The following ADSL variants were observed in gnomAD, a reference collection of about 807,000 sequenced individuals.
ADSL encodes the protein adenylosuccinate lyase.
In ADSL, 44 loss-of-function variants were observed where a neutral mutation model predicts 62.1. The ratio of observed to expected loss-of-function variants is 0.71; its 90% CI spans 0.56 to 0.91. The LOEUF is 0.91. Among genes scored for constraint, ADSL ranks in the 40% least tolerant of loss-of-function variants. The pLI is 0.00. For missense variants in ADSL, 531 were observed against 627.4 expected (o/e 0.85, Z 1.64); for synonymous variants, 198 against 220.5 (o/e 0.90, Z 0.90).
chr22:40,382,795 TA>T (rs1197911349), intron 2 of ADSL, among the ~76,000 whole-genome samples: 4 of 152,200 alleles, frequency 2.6e-5, no homozygotes, highest in Non-Finnish European at 5.9e-5. Flanking sequence ...AAGCATGTGA[TA>T]GGGGTTTTAA....
At chr22:40,358,785 G>T (rs1390142622) in intron 4 of ADSL, 79 bp from the exon 5 acceptor site, 1 of 1,392,118 alleles carries the variant, frequency 7.2e-7, no homozygotes, top group Non-Finnish European at 1.0e-6. Flanking sequence ...GGTAATGGTG[G>T]TTATTAAAAG....
At chr22:40,386,932 C>T (rs1234867542) in intron 2 of ADSL, among the ~76,000 whole-genome samples, 1 of 152,132 alleles carries the variant, frequency 6.6e-6, no homozygotes, top group Non-Finnish European at 1.5e-5. Context: ...AATTTTCACA[C>T]ACAAAAAATT....
intron 10 of ADSL, among the ~76,000 whole-genome samples, chr22:40,363,443 G>T (rs1213262033): frequency 6.6e-6 from 1 of 152,092 alleles, no homozygotes; most frequent in African/African-American, 2.4e-5. Flanking sequence ...GGGGTTTTAA[G>T]AATTCTTTCA....
rs745531733 is a variant in ADSL at position 40,346,541 on chromosome 22, C to T, written c.-18C>T. On this transcript the variant is annotated 5_prime_UTR_variant, in exon 1 of 13. Transcript: ENST00000623063. ...TCTTCCCTGGTCCAGTCCACCCTGG[C>T]GGGGTCGCAGGGTTGGGATGGCGGC... 5 of 1,597,858 alleles carry T rather than the reference C, an allele frequency of 3.1e-6. No individual in the cohort carries two copies. The highest frequency in any genetic ancestry group is 2.2e-5 in the South Asian group (2 of 89,080).
At chr22:40,383,165 G>A (rs1245066417) in intron 2 of ADSL, among the ~76,000 whole-genome samples, 9 of 152,132 alleles carry the variant, frequency 5.9e-5, no homozygotes, top group Admixed American at 5.2e-4. Flanking sequence ...CTAGTAAAGT[G>A]AGATAGAAGT....
intron 10 of ADSL, among the ~76,000 whole-genome samples, chr22:40,363,970 G>A (rs963197735): frequency 3.3e-5 from 5 of 152,068 alleles, no homozygotes; most frequent in South Asian, 2.1e-4. Flanking sequence ...CCAGCTACTC[G>A]GGAGGCTGAG....
rs1041794099 is a variant in ADSL, at chr22:40,379,084, T to C, written c.90-11146T>C. Among the ~76,000 whole-genome samples the C allele has an allele frequency of 5.3e-5, 8 of 152,258 alleles. No homozygotes were observed. In the East Asian group the frequency reaches 1.5e-3, roughly 29 times the overall value. ...TGGTTCTTCCTGCCTCATTTTACTCTGTAGCACTATTCATCTGACATACAG... is the reference window on the plus strand; with the variant it reads ...TGGTTCTTCCTGCCTCATTTTACTCCGTAGCACTATTCATCTGACATACAG... On this transcript the variant is annotated intron_variant, in intron 2 of 2. Coordinates refer to the ADSL transcript ENST00000498234.
intron 2 of ADSL, among the ~76,000 whole-genome samples, chr22:40,381,374 C>T (rs1018908589): frequency 1.3e-5 from 2 of 152,112 alleles, no homozygotes; most frequent in African/African-American, 4.8e-5. Flanking sequence ...GTCTCAAACT[C>T]TTGGGCTCAA....
intron 1 of ADSL, among the ~76,000 whole-genome samples, chr22:40,347,795 G>A (rs906538844): frequency 3.3e-5 from 5 of 152,202 alleles, no homozygotes; most frequent in African/African-American, 1.2e-4. Context: ...TACTATGACT[G>A]TACCTGTTTT....
Position 40,361,652 on chromosome 22 carries a change from C to CA in ADSL, c.1010+18dup. ...TGCCAACCGGTCAGTGGCACAGGGA[C>CA]ATCACATACACCAAGTTGAGTGGAG... On this transcript the variant is annotated intron_variant, in intron 9 of 12. Transcript: ENST00000623063. 6.2e-7 allele frequency: 1 copy of CA among 1,611,094 alleles called. No individual in the cohort carries two copies. Among genetic ancestry groups the CA allele is most frequent in the Non-Finnish European group, 8.5e-7 (1 of 1,179,942 alleles).
chr22:40,386,158 A>G (rs938919310), intron 2 of ADSL, among the ~76,000 whole-genome samples: 13 of 152,028 alleles, frequency 8.6e-5, no homozygotes, highest in Admixed American at 8.5e-4. Context: ...GGGATCACAA[A>G]TGTGAGCCAC....
chr22:40,359,280 G>A lies in ADSL; in HGVS notation c.675G>A (p.Met225Ile), dbSNP rs1203944927. The change falls in exon 6 of 13, where the codon ATG becomes ATA. Residue 225 changes from methionine to isoleucine, a missense_variant. Around this residue, in one of 2 missense-constraint regions of ADSL, gnomAD observed 471 missense variants for 592.9 expected, o/e 0.79. Transcript: ENST00000623063. ...CCAAGGTAGAGCAGCTTGACAAGAT[G>A]GTGACAGAAAAGGCAGGATTTAAGA... ...DDHKVEQLDK[M>I]VTEKAGFKRA... 6.2e-7 allele frequency: 1 copy of A among 1,614,016 alleles called. No individual in the cohort carries two copies. Among genetic ancestry groups the A allele is most frequent in the Non-Finnish European group, 8.5e-7 (1 of 1,180,028 alleles).
At chr22:40,376,047 A>C (rs1489779947) in intron 2 of ADSL, among the ~76,000 whole-genome samples, 1 of 151,920 alleles carries the variant, frequency 6.6e-6, no homozygotes, top group Non-Finnish European at 1.5e-5. Flanking sequence ...ACCCTGTCTC[A>C]AAAAACTGGA....
Position 40,365,003 on chromosome 22 carries a change from C to A in ADSL, c.1315C>A (p.Gln439Lys), listed in dbSNP as rs2044946255. 6.2e-7 allele frequency: 1 copy of A among 1,613,982 alleles called. No individual in the cohort carries two copies. The highest frequency in any genetic ancestry group is 8.5e-7 in the Non-Finnish European group (1 of 1,179,970). The change falls in exon 12 of 13, where the codon CAG becomes AAG. Residue 439 changes from glutamine to lysine, a missense_variant. Gln to Lys is a moderately conservative substitution (Grantham distance 53, BLOSUM62 1). Coordinates refer to ENST00000623063, the MANE Select transcript of ADSL (RefSeq NM_000026.4). ...VDAYFSPIHSQLDHLLDPSSF... is the reference protein window; with the variant it reads ...VDAYFSPIHSKLDHLLDPSSF... ...TGCCTACTTCAGTCCCATTCACTCC[C>A]AGTTGGATCATTTACTGGATCCTTC...
chr22:40,356,404 A>G (rs2146645369), intron 4 of ADSL, among the ~76,000 whole-genome samples: 1 of 149,118 alleles, frequency 6.7e-6, no homozygotes. Flanking sequence ...GTGTGGTGGC[A>G]GATGCCTGTA....
At chr22:40,372,122 CTTTTTTTTTT>C (rs58396730), downstream of ADSL, among the ~76,000 whole-genome samples, 1 of 65,200 alleles carries the variant, frequency 1.5e-5, no homozygotes, top group African/African-American at 6.6e-5. Context: ...TCCCCCCCCC[CTTTTTTTTTT>C]TTTTTTTTTT....
At position 40,366,696 on chromosome 22, in the gene ADSL, AAG is replaced by A. The variant is rs2045018841; in HGVS notation, c.*177_*178del. ...CACATTTCTCAACAAGGCAAAAACA[AAG>A]AGCGTTGAAGTTGACTCTGCTCTTG... On this transcript the variant is annotated 3_prime_UTR_variant, in exon 13 of 13. Transcript: ENST00000623063. The A allele has an allele frequency of 1.6e-6, 1 of 609,558 alleles. No homozygotes were observed. The highest frequency in any genetic ancestry group is 2.5e-5 in the Admixed American group (1 of 40,492). 37.8% of individuals were successfully genotyped at this position (609,558 alleles called of 1,614,324 possible). A position where few individuals can be genotyped will look rare whatever the true frequency, so the allele number is the denominator to read the frequency against.
At chr22:40,365,568 G>A (rs977674618) in intron 12 of ADSL, among the ~76,000 whole-genome samples, 1 of 152,078 alleles carries the variant, frequency 6.6e-6, no homozygotes, top group African/African-American at 2.4e-5. Flanking sequence ...TAATTCTGGG[G>A]ATTTTAAAAT....
Position 40,348,457 on chromosome 22 carries a change from C to T in ADSL, c.154-1375C>T, listed in dbSNP as rs549773365. On this transcript the variant is annotated intron_variant, in intron 1 of 12. Coordinates refer to ENST00000623063, the MANE Select transcript of ADSL (RefSeq NM_000026.4). ...GGAGTGCAGTGGCACAATCTTGGCTCGTTACAACCTCTGCATCCTGGGCTC... is the reference window on the plus strand; with the variant it reads ...GGAGTGCAGTGGCACAATCTTGGCTTGTTACAACCTCTGCATCCTGGGCTC... 4.3e-4 allele frequency: 173 copies of T among 398,518 alleles called. No homozygotes were observed. In the East Asian group the frequency reaches 6.1e-3, roughly 14 times the overall value. 24.7% of individuals were successfully genotyped at this position (398,518 alleles called of 1,614,324 possible).
Sources: allele counts gnomAD v4.1 joint callset (sites outside exome capture counted in the v4.1 genomes callset), GRCh38; gene constraint gnomAD v4.1.1; regional missense constraint gnomAD v4.1.1; transcripts MANE v1.5; gene names NCBI Gene and HGNC (gene_info 2026-07-23, HGNC 2026-07-21).